NAALAD2: variants seen among roughly 807,000 people sequenced by gnomAD.
NAALAD2 encodes the protein N-acetylated-alpha-linked acidic dipeptidase 2.
NAALAD2 carries 89 observed loss-of-function variants against 95.6 expected under a neutral mutation model. The observed-to-expected ratio is 0.93, with a 90% confidence interval of 0.78 to 1.11. The LOEUF is 1.11. Ranked by LOEUF, NAALAD2 falls within the 50% of genes least tolerant of loss-of-function variation. NAALAD2 has a pLI of 0.00. For missense variants in NAALAD2, 894 were observed against 872.4 expected (o/e 1.02, Z -0.31); for synonymous variants, 264 against 294.4 (o/e 0.90, Z 1.06).
rs146439164 is a variant in NAALAD2 at position 90,154,126 on chromosome 11, C to T, written c.796+1642C>T. ...ATTGTACTGGCTAGACCCTCCAGGA[C>T]ATTTTTTTTCTTTCTTTTTTGTATA... is the stretch of plus-strand genomic sequence containing the variant. On this transcript the variant is annotated intron_variant, in intron 6 of 18. Coordinates refer to ENST00000534061, the MANE Select transcript of NAALAD2 (RefSeq NM_005467.4). Among the ~76,000 whole-genome samples the T allele has an allele frequency of 4.8e-3, 728 of 151,524 alleles. 5 individuals carry two copies. Among genetic ancestry groups the T allele is most frequent in the African/African-American group, 0.017 (701 of 41,380 alleles).
intron 2 of NAALAD2, among the ~76,000 whole-genome samples, chr11:90,142,875 A>G (rs1951654483): frequency 6.6e-6 from 1 of 151,968 alleles, no homozygotes; most frequent in South Asian, 2.1e-4. Context: ...CTTTGGCTAT[A>G]CTTTTTAGTG....
At chr11:90,187,265 G>A (rs189398733) in intron 18 of NAALAD2, among the ~76,000 whole-genome samples, 104 of 152,114 alleles carry the variant, frequency 6.8e-4, no homozygotes, top group African/African-American at 2.3e-3. Context: ...TCAGTGTGGC[G>A]ATTCCTCAGG....
At chr11:90,168,543 G>A (rs797001756) in intron 11 of NAALAD2, among the ~76,000 whole-genome samples, 3 of 152,230 alleles carry the variant, frequency 2.0e-5, no homozygotes, top group African/African-American at 7.2e-5. Flanking sequence ...AGATTGCCAG[G>A]CCTCACTTTT....
At chr11:90,166,429 G>A (rs529968145) in intron 11 of NAALAD2, among the ~76,000 whole-genome samples, 77 of 152,188 alleles carry the variant, frequency 5.1e-4, no homozygotes, top group Non-Finnish European at 9.6e-4. Context: ...ATAAACAAAT[G>A]GAAATTTTAT....
At chr11:90,134,938 C>A in intron 1 of NAALAD2, 98 bp downstream of exon 1, 1 of 1,351,148 alleles carries the variant, frequency 7.4e-7, no homozygotes, top group Non-Finnish European at 1.1e-6. Context: ...GGGCTGTGCG[C>A]TAGCCCTGGC....
chr11:90,149,513 C>T (rs369709929), intron 4 of NAALAD2, among the ~76,000 whole-genome samples: 2 of 152,198 alleles, frequency 1.3e-5, no homozygotes, highest in Non-Finnish European at 2.9e-5. Flanking sequence ...CGGCTCCCTG[C>T]AACCTCTGCC....
At chr11:90,186,336 T>C (rs922208564) in intron 18 of NAALAD2, among the ~76,000 whole-genome samples, 3 of 152,218 alleles carry the variant, frequency 2.0e-5, no homozygotes, top group Non-Finnish European at 2.9e-5. Flanking sequence ...ATTTCATCCA[T>C]GTCCCTACAA....
chr11:90,187,738 G>A (rs1488167413), intron 18 of NAALAD2, among the ~76,000 whole-genome samples: 1 of 152,078 alleles, frequency 6.6e-6, no homozygotes, highest in Non-Finnish European at 1.5e-5. Context: ...ACATTTTTAA[G>A]ATCTGCTATT....
In NAALAD2 at chr11:90,177,809, ATATT is replaced by A. The variant is rs763951079; in HGVS notation, c.1594-41_1594-38del. The A allele has an allele frequency of 3.4e-4, 512 of 1,509,898 alleles. 2 individuals carry two copies. The African/African-American group carries it at 6.3e-3, about 19-fold the overall frequency. 93.5% of individuals were successfully genotyped at this position (1,509,898 alleles called of 1,614,324 possible). Reference sequence around the variant, plus strand: ...CTTACATAAAAATATTATAACTTGAATATTTAATGTTTATTTATACTTGCCTCTC... The same window carrying A: ...CTTACATAAAAATATTATAACTTGAATAATGTTTATTTATACTTGCCTCTC... On this transcript the variant is annotated intron_variant, in intron 15 of 18. Coordinates refer to ENST00000534061, the MANE Select transcript of NAALAD2 (RefSeq NM_005467.4).
intron 6 of NAALAD2, among the ~76,000 whole-genome samples, chr11:90,155,632 A>T (rs1387808404): frequency 2.6e-5 from 1 of 39,060 alleles, no homozygotes; most frequent in Non-Finnish European, 3.8e-5. Context: ...ATATATATTA[A>T]TATATATATA....
chr11:90,134,527 G>C (rs1338978315), upstream of NAALAD2: 3 of 536,014 alleles, frequency 5.6e-6, no homozygotes, highest in African/African-American at 3.8e-5. Flanking sequence ...CCACAGAATG[G>C]AAGTTGCCCG....
chr11:90,132,014 A>T (rs1951359970), upstream of NAALAD2: 1 of 152,362 alleles, frequency 6.6e-6, no homozygotes, highest in Non-Finnish European at 1.5e-5. Context: ...ATTTGCCAAG[A>T]TGGTAATAAT....
upstream of NAALAD2, among the ~76,000 whole-genome samples, chr11:90,132,690 A>C (rs1951370837): frequency 6.6e-6 from 1 of 152,202 alleles, no homozygotes; most frequent in African/African-American, 2.4e-5. Flanking sequence ...AATGTTTCTT[A>C]AGCCATATTT....
At position 90,150,501 on chromosome 11, in the gene NAALAD2, A is replaced by C; in HGVS notation, c.503A>C (p.Asn168Thr). ...CTATAGGGAGATCTTGTATATGTGA[A>C]CTATGCTCGCACTGAAGACTTTTTC... ...GMPEGDLVYVNYARTEDFFKL... is the reference protein window; with the variant it reads ...GMPEGDLVYVTYARTEDFFKL... The change falls in exon 5 of 19, where the codon AAC becomes ACC. Residue 168 changes from asparagine (N) to threonine (T), a missense_variant. By Grantham distance (65) the Asn-to-Thr change is moderately conservative. Coordinates refer to ENST00000534061, the MANE Select transcript of NAALAD2 (RefSeq NM_005467.4). 1.2e-6 allele frequency: 2 copies of C among 1,608,182 alleles called. No individual in the cohort carries two copies. Among genetic ancestry groups the C allele is most frequent in the Non-Finnish European group, 1.7e-6 (2 of 1,176,054 alleles).
intron 17 of NAALAD2, 25 bp downstream of exon 17, chr11:90,181,726 T>TAA (rs3832738): frequency 2.4e-4 from 232 of 981,682 alleles, no homozygotes; most frequent in Middle Eastern, 3.2e-4. Flanking sequence ...CCTTTTTTTT[T>TAA]AAAAAAAAAA....
At chr11:90,132,699 T>C (rs1482458578), upstream of NAALAD2, among the ~76,000 whole-genome samples, 2 of 152,212 alleles carry the variant, frequency 1.3e-5, no homozygotes, top group Non-Finnish European at 2.9e-5. Flanking sequence ...TAAGCCATAT[T>C]TGAGGGGTTT....
intron 2 of NAALAD2, among the ~76,000 whole-genome samples, chr11:90,135,905 G>A (rs1341402567): frequency 6.6e-6 from 1 of 151,584 alleles, no homozygotes. Context: ...ATTGAGAGAT[G>A]TTTCAACTTC....
intron 2 of NAALAD2, among the ~76,000 whole-genome samples, chr11:90,144,704 T>C (rs186347025): frequency 2.1e-4 from 28 of 135,294 alleles, no homozygotes; most frequent in African/African-American, 7.7e-4. Context: ...ATTGTACCAC[T>C]GCACTCCAGC....
intron 2 of NAALAD2, among the ~76,000 whole-genome samples, chr11:90,136,896 C>G (rs1050556148): frequency 6.6e-6 from 1 of 152,086 alleles, no homozygotes; most frequent in Non-Finnish European, 1.5e-5. Flanking sequence ...AATCAGTATT[C>G]CAAAGAGATA....
Sources: gnomAD v4.1 joint callset for allele counts (sites outside exome capture counted in the v4.1 genomes callset) on GRCh38, gnomAD v4.1.1 for gene constraint, MANE v1.5 for transcripts, NCBI Gene and HGNC (gene_info 2026-07-23, HGNC 2026-07-21) for gene names.